FRMD6: variants seen among roughly 807,000 people sequenced by gnomAD.
The protein encoded by FRMD6 is FERM domain containing 6.
FRMD6 carries 37 observed loss-of-function variants against 73.2 expected under a neutral mutation model. The ratio of observed to expected loss-of-function variants is 0.51; its 90% CI spans 0.39 to 0.66. The LOEUF (loss-of-function observed/expected upper bound fraction) is 0.66. Ranked by LOEUF, FRMD6 falls within the 30% of genes least tolerant of loss-of-function variation. The pLI is 0.00. For missense variants in FRMD6, 714 were observed against 780.5 expected, an observed-to-expected ratio of 0.91 and a Z score of 1.02; for synonymous variants, 273 against 282.2, an observed-to-expected ratio of 0.97 and a Z score of 0.33.
intron 1 of FRMD6, among the ~76,000 whole-genome samples, chr14:51,518,176 A>C (rs1884740326): frequency 6.6e-6 from 1 of 152,246 alleles, no homozygotes; most frequent in Non-Finnish European, 1.5e-5. Flanking sequence ...ATCAAAACTT[A>C]ATCAAAACTT....
intron 3 of FRMD6, among the ~76,000 whole-genome samples, 180 bp downstream of exon 3, chr14:51,698,412 A>AT (rs1324368837): frequency 6.6e-6 from 1 of 152,008 alleles, no homozygotes; most frequent in East Asian, 1.9e-4. Flanking sequence ...ATTTCTATGT[A>AT]TTTTTTACAA....
chr14:51,489,027 C>T (rs888705137), upstream of FRMD6: 2 of 152,166 alleles, frequency 1.3e-5, no homozygotes, highest in Non-Finnish European at 2.9e-5. Context: ...TGGAGGCTCG[C>T]CCAAAAAGTT....
chr14:51,701,478 A>C (rs1380722520), intron 4 of FRMD6, among the ~76,000 whole-genome samples: 1 of 146,688 alleles, frequency 6.8e-6, no homozygotes, highest in Non-Finnish European at 1.5e-5. Flanking sequence ...AAATGTATAT[A>C]TATATATACT....
chr14:51,515,345 G>C (rs1884565415), intron 1 of FRMD6, among the ~76,000 whole-genome samples: 1 of 152,190 alleles, frequency 6.6e-6, no homozygotes. Context: ...TTTGCCCAGT[G>C]GCAGGACCTC....
chr14:51,644,599 A>C (rs1891979652), intron 2 of FRMD6, among the ~76,000 whole-genome samples: 1 of 152,220 alleles, frequency 6.6e-6, no homozygotes. Flanking sequence ...ATGTGCTATA[A>C]AAATAAGTGA....
intron 1 of FRMD6, among the ~76,000 whole-genome samples, chr14:51,559,534 A>C (rs1350557951): frequency 6.7e-6 from 1 of 150,294 alleles, no homozygotes; most frequent in Admixed American, 6.7e-5. Flanking sequence ...GGCATATGAG[A>C]GTTTACATCA....
chr14:51,443,105 C>G, the FRMD6 span, among the ~76,000 whole-genome samples: 3 of 152,212 alleles, frequency 2.0e-5, no homozygotes, highest in Non-Finnish European at 4.4e-5. Flanking sequence ...GCTTCTCCCC[C>G]TTCTTGCCAC....
chr14:51,482,128 C>T, the FRMD6 span, among the ~76,000 whole-genome samples: 11 of 152,184 alleles, frequency 7.2e-5, no homozygotes, highest in African/African-American at 2.7e-4. Flanking sequence ...ACAGTCTCAA[C>T]TTGATTAGTG....
intron 1 of FRMD6, among the ~76,000 whole-genome samples, chr14:51,528,005 G>T (rs918953341): frequency 2.0e-5 from 3 of 152,134 alleles, no homozygotes; most frequent in African/African-American, 7.2e-5. Context: ...AGCTGAGCAT[G>T]GTGCCTCATG....
intron 1 of FRMD6, among the ~76,000 whole-genome samples, chr14:51,525,881 AG>A (rs1885226533): frequency 6.6e-6 from 1 of 152,170 alleles, no homozygotes; most frequent in African/African-American, 2.4e-5. Flanking sequence ...GCCCTCAGGA[AG>A]TTGACAGTCC....
chr14:51,440,104 CG>C, the FRMD6 span, among the ~76,000 whole-genome samples: 192 of 152,256 alleles, frequency 1.3e-3, 4 homozygotes, highest in South Asian at 0.029. Context: ...GATAAGAAAG[CG>C]CAGCGCCCTT....
intron 1 of FRMD6, among the ~76,000 whole-genome samples, chr14:51,500,038 GA>G (rs1883516277): frequency 6.6e-6 from 1 of 152,182 alleles, no homozygotes; most frequent in African/African-American, 2.4e-5. Flanking sequence ...GCTACATCAA[GA>G]CTTACGATTT....
At chr14:51,708,050 G>A (rs942554317) in intron 6 of FRMD6, 28 bp from the exon 7 acceptor site, 5 of 1,609,168 alleles carry the variant, frequency 3.1e-6, no homozygotes, top group Non-Finnish European at 4.2e-6. Context: ...AACAAATGTT[G>A]CATTGCACAC....
At chr14:51,717,769 T>C (rs1167637347) in intron 10 of FRMD6, among the ~76,000 whole-genome samples, 3 of 152,258 alleles carry the variant, frequency 2.0e-5, no homozygotes, top group Non-Finnish European at 2.9e-5. Context: ...AAAGAGTCTG[T>C]GTTTTTCTTA....
intron 1 of FRMD6, among the ~76,000 whole-genome samples, chr14:51,528,744 G>A (rs1262761868): frequency 6.6e-6 from 1 of 152,124 alleles, no homozygotes; most frequent in Non-Finnish European, 1.5e-5. Context: ...TGATAGTTCT[G>A]ATATCCTGTG....
chr14:51,430,687 T>C, the FRMD6 span, among the ~76,000 whole-genome samples: 2 of 151,878 alleles, frequency 1.3e-5, no homozygotes. Context: ...AGTGAGAACA[T>C]ATCTCTCATC....
At chr14:51,674,242 A>G (rs968474577) in intron 1 of FRMD6, among the ~76,000 whole-genome samples, 2 of 152,172 alleles carry the variant, frequency 1.3e-5, no homozygotes, top group Non-Finnish European at 2.9e-5. Context: ...TTCTTCATTC[A>G]TTCTTCCAAA....
chr14:51,451,948 A>T, the FRMD6 span, among the ~76,000 whole-genome samples: 1 of 152,210 alleles, frequency 6.6e-6, no homozygotes, highest in African/African-American at 2.4e-5. Context: ...ACACCCGTGG[A>T]GGACTTTGAC....
At position 51,720,290 on chromosome 14, in the gene FRMD6, G is replaced by A. The variant is rs1169477309; in HGVS notation, c.1260G>A (p.Lys420=). 6 of 1,613,922 alleles carry A rather than the reference G, an allele frequency of 3.7e-6. No homozygotes were observed. The highest frequency in any genetic ancestry group is 5.1e-6 in the Non-Finnish European group (6 of 1,180,012). ...DSYSSSAIHR[K]LKTCSSMTSH... ...ACTCCAGCAGTGCCATCCACCGCAA[G>A]CTGAAAACCTGCAGCTCAATGACCA... The change falls in exon 11 of 14, where the codon AAG becomes AAA. Residue 420 remains lysine, a synonymous_variant. Coordinates refer to ENST00000344768, the MANE Select transcript of FRMD6 (RefSeq NM_001267046.2).
Sources: gnomAD v4.1 joint callset for allele counts (sites outside exome capture counted in the v4.1 genomes callset) on GRCh38, gnomAD v4.1.1 for gene constraint, MANE v1.5 for transcripts, NCBI Gene and HGNC (gene_info 2026-07-23, HGNC 2026-07-21) for gene names.